PCDH11Y: variants seen among roughly 807,000 people sequenced by gnomAD.
PCDH11Y encodes protocadherin 11 Y-linked.
For missense variants in PCDH11Y, 12 were observed against 224.8 expected (o/e 0.05, Z 6.05); for synonymous variants, 9 against 83.6 (o/e 0.11, Z 4.87).
chrY:5,097,794 T>C, intron 1 of PCDH11Y, among the ~76,000 whole-genome samples: 4 of 32,250 alleles, frequency 1.2e-4, no homozygotes, highest in Non-Finnish European at 3.0e-4. Context: ...CAATAACTTA[T>C]GGAAAAATGA....
chrY:5,367,831 C>T (rs2053182860), intron 2 of PCDH11Y, among the ~76,000 whole-genome samples: 1 of 29,358 alleles, frequency 3.4e-5, no homozygotes, highest in South Asian at 8.2e-4. Flanking sequence ...ACACACACAT[C>T]TACACATACA....
intron 3 of PCDH11Y, among the ~76,000 whole-genome samples, chrY:5,503,685 C>T: frequency 6.8e-5 from 2 of 29,619 alleles, no homozygotes; most frequent in South Asian, 7.4e-4. Flanking sequence ...TAACATAGTA[C>T]GTGTGTGTGT....
At chrY:5,089,569 G>T in intron 1 of PCDH11Y, among the ~76,000 whole-genome samples, 2 of 33,443 alleles carry the variant, frequency 6.0e-5, no homozygotes, top group African/African-American at 2.3e-4. Flanking sequence ...ATTCACCAGG[G>T]ACTTGATTAG....
chrY:5,565,688 A>G (rs2053433571), intron 3 of PCDH11Y, among the ~76,000 whole-genome samples: 1 of 29,506 alleles, frequency 3.4e-5, no homozygotes, highest in South Asian at 7.6e-4. Context: ...TCCGAACCAT[A>G]CGATTTTGAT....
At chrY:5,173,837 T>G in intron 2 of PCDH11Y, among the ~76,000 whole-genome samples, 1 of 27,117 alleles carries the variant, frequency 3.7e-5, no homozygotes, top group African/African-American at 1.4e-4. Context: ...AATAGGTAGT[T>G]TTTAATCCCT....
At chrY:5,332,864 G>T in intron 2 of PCDH11Y, among the ~76,000 whole-genome samples, 3 of 33,814 alleles carry the variant, frequency 8.9e-5, no homozygotes, top group Non-Finnish European at 2.2e-4. Flanking sequence ...TATTTCTAAG[G>T]CTGACTGCCT....
chrY:5,381,379 T>G, intron 2 of PCDH11Y, among the ~76,000 whole-genome samples: 5 of 33,137 alleles, frequency 1.5e-4, no homozygotes, highest in Admixed American at 2.8e-4. Flanking sequence ...TTCAGTGAGG[T>G]CTTCCCTGAC....
intron 2 of PCDH11Y, among the ~76,000 whole-genome samples, chrY:5,318,713 A>ATG (rs760151133): frequency 0.13 from 3,230 of 24,282 alleles, no homozygotes; most frequent in Middle Eastern, 0.31. Flanking sequence ...AAAAAGTAAT[A>ATG]TGTGTGTGTG....
chrY:5,597,171 A>G (rs2053467599), intron 4 of PCDH11Y, among the ~76,000 whole-genome samples: 1 of 30,392 alleles, frequency 3.3e-5, no homozygotes, highest in East Asian at 8.5e-4. Context: ...TGTTTATAGC[A>G]GCACAATTCA....
chrY:5,219,878 A>G (rs2052950892), intron 2 of PCDH11Y, among the ~76,000 whole-genome samples: 1 of 33,719 alleles, frequency 3.0e-5, no homozygotes, highest in African/African-American at 1.1e-4. Context: ...TTACAGTTTT[A>G]TGAGTTATAT....
chrY:5,740,396 C>A (rs2124716722), exon 5 of PCDH11Y: 1 of 32,627 alleles, frequency 3.1e-5, no homozygotes, highest in South Asian at 7.1e-4. Flanking sequence ...TAGGAATGAA[C>A]CAATACGCTT....
chrY:5,219,226 C>T (rs2124652188), intron 2 of PCDH11Y, among the ~76,000 whole-genome samples: 1 of 33,322 alleles, frequency 3.0e-5, no homozygotes, highest in Admixed American at 2.8e-4. Context: ...TTAGGAAATT[C>T]CCCAGAAGTG....
intron 4 of PCDH11Y, among the ~76,000 whole-genome samples, chrY:5,595,321 C>T (rs2053466441): frequency 3.2e-5 from 1 of 31,023 alleles, no homozygotes; most frequent in Admixed American, 3.1e-4. Context: ...AGTCTGTTTA[C>T]TCATTTGTAA....
chrY:5,715,456 A>G (rs2053589339), intron 4 of PCDH11Y, among the ~76,000 whole-genome samples: 2 of 32,366 alleles, frequency 6.2e-5, no homozygotes, highest in Admixed American at 2.8e-4. Context: ...TGCAAAAAAT[A>G]TATCAGTGAG....
chrY:5,563,817 GCATA>G, intron 3 of PCDH11Y, among the ~76,000 whole-genome samples: 1 of 26,277 alleles, frequency 3.8e-5, no homozygotes, highest in South Asian at 9.7e-4. Context: ...ATTAAGAAAT[GCATA>G]CATATCTCAT....
At chrY:5,453,102 T>C in intron 2 of PCDH11Y, among the ~76,000 whole-genome samples, 2 of 33,002 alleles carry the variant, frequency 6.1e-5, no homozygotes, top group Non-Finnish European at 1.5e-4. Flanking sequence ...AGAACAAAAC[T>C]GAAGGCATCA....
chrY:5,159,227 G>A, intron 2 of PCDH11Y, among the ~76,000 whole-genome samples: 1 of 31,512 alleles, frequency 3.2e-5, no homozygotes, highest in Non-Finnish European at 7.7e-5. Context: ...ACATTTTAGG[G>A]AGACATAATA....
intron 2 of PCDH11Y, among the ~76,000 whole-genome samples, chrY:5,437,058 G>A (rs2053276041): frequency 3.0e-5 from 1 of 32,860 alleles, no homozygotes; most frequent in Admixed American, 2.8e-4. Context: ...GATTCAGATT[G>A]TCTAGTCATT....
At chrY:5,093,782 G>A (rs1602861521) in intron 1 of PCDH11Y, among the ~76,000 whole-genome samples, 1 of 30,810 alleles carries the variant, frequency 3.2e-5, no homozygotes, top group South Asian at 7.1e-4. Flanking sequence ...GAGTATTCCT[G>A]TGCCTATACA....
Sources: allele counts gnomAD v4.1 joint callset (sites outside exome capture counted in the v4.1 genomes callset), GRCh38; gene constraint gnomAD v4.1.1; transcripts MANE v1.5; gene names NCBI Gene and HGNC (gene_info 2026-07-23, HGNC 2026-07-21).